ALLC: variants seen among roughly 807,000 people sequenced by gnomAD.
ALLC encodes probable inactive allantoicase.
A neutral mutation model predicts 45.0 loss-of-function variants in ALLC; 40 were observed. The observed-to-expected ratio is 0.89, with a 90% CI of 0.69 to 1.16. ALLC has a LOEUF of 1.16. ALLC is among the 50% of genes most tolerant of loss of function. ALLC has a pLI of 0.00. For missense variants in ALLC, 488 were observed against 493.1 expected (o/e 0.99, Z 0.10); for synonymous variants, 176 against 178.1 (o/e 0.99, Z 0.09).
intron 2 of ALLC, among the ~76,000 whole-genome samples, chr2:3,671,616 G>T (rs1666872357): frequency 7.8e-6 from 1 of 128,718 alleles, no homozygotes; most frequent in African/African-American, 3.0e-5. Flanking sequence ...AGGTCCTCTG[G>T]CTCTGGTTAG....
At chr2:3,696,167 A>G (rs143176103) in intron 8 of ALLC, 108 bp from the exon 9 acceptor site, 9 of 875,740 alleles carry the variant, frequency 1.0e-5, no homozygotes, top group South Asian at 1.8e-5. Context: ...AAAATAACTT[A>G]TGTAGCAATG....
chr2:3,681,097 C>G (rs186237053), intron 5 of ALLC, among the ~76,000 whole-genome samples: 1 of 152,210 alleles, frequency 6.6e-6, no homozygotes, highest in Non-Finnish European at 1.5e-5. Flanking sequence ...CTGCATGAGG[C>G]TCTGTGGACA....
chr2:3,701,912 T>C (rs1474296502), intron 11 of ALLC, among the ~76,000 whole-genome samples: 6 of 152,220 alleles, frequency 3.9e-5, no homozygotes, highest in Non-Finnish European at 8.8e-5. Flanking sequence ...AAGGGGCGAC[T>C]AGCACATTTA....
At chr2:3,671,015 A>G (rs1666853905) in intron 1 of ALLC, 81 bp from the exon 2 acceptor site, 2 of 777,210 alleles carry the variant, frequency 2.6e-6, no homozygotes, top group Non-Finnish European at 4.2e-6. Context: ...AAAGTCTCAA[A>G]TCTTAGCGTC....
At chr2:3,702,138 A>AG (rs1419332825) in intron 11 of ALLC, among the ~76,000 whole-genome samples, 1 of 152,168 alleles carries the variant, frequency 6.6e-6, no homozygotes, top group Non-Finnish European at 1.5e-5. Flanking sequence ...ATGGGCATTT[A>AG]GGTTGCCCAT....
intron 1 of ALLC, among the ~76,000 whole-genome samples, chr2:3,664,447 A>G (rs1243780878): frequency 6.6e-6 from 1 of 152,226 alleles, no homozygotes; most frequent in African/African-American, 2.4e-5. Context: ...GAAGCTGCTG[A>G]AAAGGTATCT....
At chr2:3,661,127 T>C (rs745884589) in intron 1 of ALLC, among the ~76,000 whole-genome samples, 4 of 152,008 alleles carry the variant, frequency 2.6e-5, no homozygotes, top group Admixed American at 6.6e-5. Context: ...CTGAATGACA[T>C]TGGGTGAGAG....
At chr2:3,681,764 A>G (rs887665093) in intron 6 of ALLC, 51 bp downstream of exon 6, 24 of 1,436,990 alleles carry the variant, frequency 1.7e-5, no homozygotes, top group African/African-American at 2.8e-5. Context: ...TTAGGAGAGT[A>G]GGGAAACTGC....
chr2:3,677,875 G>T (rs1291803874), intron 3 of ALLC, among the ~76,000 whole-genome samples: 1 of 152,194 alleles, frequency 6.6e-6, no homozygotes, highest in Non-Finnish European at 1.5e-5. Context: ...GCTATTTGAG[G>T]GTCTTTCATG....
intron 7 of ALLC, among the ~76,000 whole-genome samples, chr2:3,683,948 T>G (rs1667262341): frequency 6.6e-6 from 1 of 152,228 alleles, no homozygotes; most frequent in African/African-American, 2.4e-5. Flanking sequence ...CTCAAGCATT[T>G]CAGATAAGGG....
At position 3,701,624 on chromosome 2, in the gene ALLC, T is replaced by G. The variant is rs1667839374; in HGVS notation, c.963T>G (p.Leu321=). ...CGGCCCACAAGTGGAAACCACTGCT[T>G]CCAGTGACCAAGGTTCGTGTGGCAT... is the stretch of plus-strand genomic sequence containing the variant. ...ILPAHKWKPL[L]PVTKLSPNQS... is the part of the protein sequence containing the mutation. The change falls in exon 11 of 12, where the codon CTT becomes CTG. Residue 321 remains leucine (L), a synonymous_variant. Coordinates refer to ENST00000252505, the MANE Select transcript of ALLC (RefSeq NM_018436.4). 1 of 1,611,710 alleles carries G rather than the reference T, an allele frequency of 6.2e-7. No homozygotes were observed. Among genetic ancestry groups the G allele is most frequent in the Non-Finnish European group, 8.5e-7 (1 of 1,178,766 alleles).
chr2:3,671,892 A>T (rs1666885055), intron 2 of ALLC, among the ~76,000 whole-genome samples: 2 of 131,420 alleles, frequency 1.5e-5, no homozygotes, highest in Non-Finnish European at 3.2e-5. Flanking sequence ...GTTAGATGGG[A>T]GGTCCTCTGG....
At chr2:3,686,418 C>T (rs1667335780) in intron 7 of ALLC, among the ~76,000 whole-genome samples, 1 of 150,478 alleles carries the variant, frequency 6.6e-6, no homozygotes, top group Non-Finnish European at 1.5e-5. Context: ...TGTTTTTTTG[C>T]TTTGGTTATT....
the ALLC span, among the ~76,000 whole-genome samples, chr2:3,646,324 T>TG: frequency 6.6e-6 from 1 of 152,200 alleles, no homozygotes; most frequent in African/African-American, 2.4e-5. Context: ...CTATGGCTGT[T>TG]GCTGTAAGTA....
At chr2:3,652,580 ATTTTTTTTTTTT>A in the ALLC span, among the ~76,000 whole-genome samples, 227 of 93,360 alleles carry the variant, frequency 2.4e-3, no homozygotes, top group African/African-American at 5.9e-3. Context: ...AAACTTTGTG[ATTTTTTTTTTTT>A]TTTTTTTTTT....
chr2:3,673,678 T>C (rs1225641550), intron 2 of ALLC, among the ~76,000 whole-genome samples: 1 of 152,238 alleles, frequency 6.6e-6, no homozygotes, highest in Non-Finnish European at 1.5e-5. Flanking sequence ...GGGTGACCTA[T>C]GGCGGCCCTT....
At chr2:3,666,074 AC>A (rs1666699065) in intron 1 of ALLC, among the ~76,000 whole-genome samples, 1 of 152,240 alleles carries the variant, frequency 6.6e-6, no homozygotes, top group Non-Finnish European at 1.5e-5. Context: ...GACTGTATGC[AC>A]AAAAGGCCAG....
chr2:3,652,580 ATTTTT>A, the ALLC span, among the ~76,000 whole-genome samples: 5 of 93,328 alleles, frequency 5.4e-5, no homozygotes, highest in Non-Finnish European at 1.1e-4. Context: ...AAACTTTGTG[ATTTTT>A]TTTTTTTTTT....
At chr2:3,647,345 T>C in the ALLC span, among the ~76,000 whole-genome samples, 3 of 151,998 alleles carry the variant, frequency 2.0e-5, no homozygotes, top group African/African-American at 7.3e-5. Context: ...TTAAAACGTA[T>C]CTGGAGAATG....
Sources: gnomAD v4.1 joint callset for allele counts (sites outside exome capture counted in the v4.1 genomes callset) on GRCh38, gnomAD v4.1.1 for gene constraint, MANE v1.5 for transcripts, NCBI Gene and HGNC (gene_info 2026-07-23, HGNC 2026-07-21) for gene names.